Variants in FSTL5 observed in about 807,000 individuals in gnomAD.
The protein encoded by FSTL5 is follistatin like 5.
In FSTL5, 62 loss-of-function variants were observed where a neutral mutation model predicts 89.1. The ratio of observed to expected loss-of-function variants is 0.70; its 90% CI spans 0.57 to 0.86. The LOEUF (loss-of-function observed/expected upper bound fraction) is 0.86. Ranked by LOEUF, FSTL5 falls within the 40% of genes least tolerant of loss-of-function variation. The probability of loss-of-function intolerance (pLI) is 0.00; values close to 1 mark genes in which losing one functional copy is unlikely to be tolerated. For synonymous variants in FSTL5, 383 were observed against 346.2 expected, an observed-to-expected ratio of 1.11 and a Z score of -1.18; for missense variants, 1,057 against 1,001.6, an observed-to-expected ratio of 1.06 and a Z score of -0.75.
intron 7 of FSTL5, among the ~76,000 whole-genome samples, chr4:161,611,688 G>A (rs1427422455): frequency 6.6e-6 from 1 of 152,154 alleles, no homozygotes; most frequent in East Asian, 1.9e-4. Context: ...ATTTTGTAGT[G>A]CAACAATTAT....
chr4:161,490,217 C>T (rs190034610), intron 12 of FSTL5, among the ~76,000 whole-genome samples: 2 of 152,156 alleles, frequency 1.3e-5, no homozygotes, highest in African/African-American at 2.4e-5. Context: ...TAAGGAAAAG[C>T]ATCATACAGT....
chr4:161,565,224 T>TATCATCATC (rs59471047), intron 8 of FSTL5, among the ~76,000 whole-genome samples: 73,568 of 150,136 alleles, frequency 0.49, 18,100 homozygotes, highest in Middle Eastern at 0.61. Context: ...ATATCTTGCC[T>TATCATCATC]ATCATCATCA....
chr4:161,997,761 C>G (rs1308844929), intron 3 of FSTL5, among the ~76,000 whole-genome samples: 1 of 148,782 alleles, frequency 6.7e-6, no homozygotes, highest in Non-Finnish European at 1.5e-5. Context: ...CCCGCCACCA[C>G]GCCCGGCTAA....
intron 7 of FSTL5, among the ~76,000 whole-genome samples, chr4:161,597,482 G>A (rs1371810607): frequency 7.8e-6 from 1 of 127,600 alleles, no homozygotes; most frequent in African/African-American, 2.9e-5. Context: ...CCTGTTGTGG[G>A]GTGGGGGGAG....
chr4:161,689,419 T>C (rs994951253), intron 6 of FSTL5, among the ~76,000 whole-genome samples: 9 of 152,110 alleles, frequency 5.9e-5, no homozygotes, highest in African/African-American at 1.9e-4. Context: ...GAGCATATAA[T>C]AAATACTTAA....
At chr4:161,752,001 C>G (rs1740409071) in intron 6 of FSTL5, among the ~76,000 whole-genome samples, 1 of 152,110 alleles carries the variant, frequency 6.6e-6, no homozygotes, top group African/African-American at 2.4e-5. Context: ...TTAGAATTAT[C>G]AATGCCTTTG....
At chr4:162,059,469 T>A (rs2111277526) in intron 2 of FSTL5, among the ~76,000 whole-genome samples, 1 of 152,278 alleles carries the variant, frequency 6.6e-6, no homozygotes, top group East Asian at 1.9e-4. Context: ...TATACCATCC[T>A]ATTGGGAATT....
At chr4:161,785,238 T>C (rs1741857857) in intron 4 of FSTL5, among the ~76,000 whole-genome samples, 1 of 152,176 alleles carries the variant, frequency 6.6e-6, no homozygotes, top group African/African-American at 2.4e-5. Flanking sequence ...TGCATCCATT[T>C]GTCTTGGGTG....
chr4:161,619,259 C>T (rs1189414624), intron 7 of FSTL5, among the ~76,000 whole-genome samples: 1 of 152,094 alleles, frequency 6.6e-6, no homozygotes, highest in African/African-American at 2.4e-5. Context: ...CTAGGCATTA[C>T]CATTCAGGAC....
At chr4:162,051,835 G>A (rs1040048318) in intron 2 of FSTL5, among the ~76,000 whole-genome samples, 1 of 151,318 alleles carries the variant, frequency 6.6e-6, no homozygotes, top group African/African-American at 2.4e-5. Context: ...CAGTATTTGT[G>A]GGAAACTTAT....
intron 8 of FSTL5, among the ~76,000 whole-genome samples, chr4:161,568,050 T>C (rs1439527602): frequency 6.6e-6 from 1 of 151,008 alleles, no homozygotes; most frequent in Admixed American, 6.7e-5. Context: ...AGATCAGCAG[T>C]GTTGGCTCTG....
At chr4:162,026,304 C>CTTGTTTTTTTTTTTT (rs1737281262) in intron 3 of FSTL5, among the ~76,000 whole-genome samples, 1 of 79,474 alleles carries the variant, frequency 1.3e-5, no homozygotes, top group Non-Finnish European at 2.2e-5. Context: ...TATGTATTTT[C>CTTGTTTTTTTTTTTT]TTTTTTTTTT....
At chr4:161,928,983 G>C (rs1404077913) in intron 3 of FSTL5, among the ~76,000 whole-genome samples, 1 of 151,518 alleles carries the variant, frequency 6.6e-6, no homozygotes, top group African/African-American at 2.4e-5. Flanking sequence ...CCTCTTAGAT[G>C]TCCTCCATAG....
At chr4:162,124,897 T>G (rs376844946) in intron 1 of FSTL5, among the ~76,000 whole-genome samples, 11 of 152,090 alleles carry the variant, frequency 7.2e-5, no homozygotes, top group East Asian at 5.8e-4. Flanking sequence ...TAGAGACGGG[T>G]TTTCACCGTG....
chr4:161,635,432 T>C (rs947839837), intron 7 of FSTL5, among the ~76,000 whole-genome samples: 7 of 151,922 alleles, frequency 4.6e-5, no homozygotes, highest in African/African-American at 1.2e-4. Context: ...CTATACAAAA[T>C]GTCAATTCAC....
intron 7 of FSTL5, among the ~76,000 whole-genome samples, chr4:161,629,065 T>C (rs1445099923): frequency 6.6e-6 from 1 of 152,166 alleles, no homozygotes; most frequent in African/African-American, 2.4e-5. Flanking sequence ...AGAAATGACA[T>C]CAATTATTAT....
At chr4:161,731,305 T>A (rs1364193971) in intron 6 of FSTL5, among the ~76,000 whole-genome samples, 1 of 152,140 alleles carries the variant, frequency 6.6e-6, no homozygotes, top group Non-Finnish European at 1.5e-5. Context: ...AACACTGATA[T>A]GGCTTGGCTC....
At chr4:161,662,809 T>C (rs1008307927) in intron 6 of FSTL5, among the ~76,000 whole-genome samples, 4 of 152,154 alleles carry the variant, frequency 2.6e-5, no homozygotes, top group Admixed American at 1.3e-4. Context: ...ACTGAGTCAC[T>C]GTATTAGTCC....
At chr4:161,701,740 C>T (rs1738399168) in intron 6 of FSTL5, among the ~76,000 whole-genome samples, 1 of 151,966 alleles carries the variant, frequency 6.6e-6, no homozygotes, top group Non-Finnish European at 1.5e-5. Context: ...TAGAGGACTA[C>T]TGATTAGACT....
Sources: allele counts gnomAD v4.1 joint callset (sites outside exome capture counted in the v4.1 genomes callset), GRCh38; gene constraint gnomAD v4.1.1; transcripts MANE v1.5; gene names NCBI Gene and HGNC (gene_info 2026-07-23, HGNC 2026-07-21).